The following KIF9 variants were observed in gnomAD, a reference collection of about 807,000 sequenced individuals.
The protein encoded by KIF9 is kinesin-like protein KIF9.
Under a neutral mutation model 94.8 loss-of-function variants are expected in KIF9, and 68 were observed. The ratio of observed to expected loss-of-function variants is 0.72; its 90% CI spans 0.59 to 0.88. The LOEUF (loss-of-function observed/expected upper bound fraction) is 0.88, where lower values mean the gene tolerates loss of function less well. Ranked by LOEUF, KIF9 falls within the 40% of genes least tolerant of loss-of-function variation. The pLI, the probability that KIF9 is intolerant of heterozygous loss-of-function variation, is 0.00. For missense variants in KIF9, 882 were observed against 982.5 expected (o/e 0.90, Z 1.37); for synonymous variants, 343 against 362.1 (o/e 0.95, Z 0.60).
chr3:47,275,615 C>G (rs751780617), intron 2 of KIF9, 125 bp from the exon 3 acceptor site: 23 of 691,728 alleles, frequency 3.3e-5, no homozygotes, highest in Non-Finnish European at 4.7e-5. Flanking sequence ...TGAATGGGGA[C>G]TCCCACGTAG....
chr3:47,231,316 CT>C (rs1698558129), intron 20 of KIF9, among the ~76,000 whole-genome samples: 1 of 151,444 alleles, frequency 6.6e-6, no homozygotes, highest in Admixed American at 6.6e-5. Flanking sequence ...TCTAAGTGTG[CT>C]ACCCCAAGTG....
chr3:47,240,724 T>C lies in KIF9; in HGVS notation c.1924+77A>G. On this transcript the variant is annotated intron_variant, in intron 17 of 20. Transcript: ENST00000684063. ...GCCCCCTCCCATCTCAGACCTCTAG[T>C]GCCAAGGGCTGTTCTGCTTCAACCA... 10 of 1,249,042 alleles carry C rather than the reference T, an allele frequency of 8.0e-6. No individual in the cohort carries two copies. The South Asian group carries it at 1.1e-4, about 14-fold the overall frequency. 77.4% of individuals were successfully genotyped at this position (1,249,042 alleles called of 1,614,324 possible).
At chr3:47,266,685 C>T (rs1016139677) in intron 7 of KIF9, among the ~76,000 whole-genome samples, 2 of 152,084 alleles carry the variant, frequency 1.3e-5, no homozygotes, top group African/African-American at 2.4e-5. Context: ...AAATGCTATA[C>T]CAGCAAGGAA....
rs1299828505 is a variant in KIF9 at position 47,238,597 on chromosome 3, T to TG, written c.1925-1979dup. ...ATTTTATTAATATTTTAATAATCAG[T>TG]GGAAAAACAACTACTTTGGGGGGAC... On this transcript the variant is annotated intron_variant, in intron 17 of 20. Coordinates refer to ENST00000684063, the MANE Select transcript of KIF9 (RefSeq NM_182902.4). The TG allele has an allele frequency of 2.0e-5, 3 of 152,098 alleles. No homozygotes were observed. The East Asian group carries it at 5.8e-4, about 29-fold the overall frequency. 9.4% of individuals were successfully genotyped at this position (152,098 alleles called of 1,614,324 possible). A position where few individuals can be genotyped will look rare whatever the true frequency, so the allele number is the denominator to read the frequency against.
At chr3:47,230,395 T>G (rs1045164636) in intron 20 of KIF9, among the ~76,000 whole-genome samples, 1 of 150,274 alleles carries the variant, frequency 6.7e-6, no homozygotes, top group Non-Finnish European at 1.5e-5. Context: ...CTGAGCAACA[T>G]AGGGAGACCC....
At chr3:47,280,799 G>A (rs1305193867) in intron 1 of KIF9, among the ~76,000 whole-genome samples, 1 of 152,132 alleles carries the variant, frequency 6.6e-6, no homozygotes, top group Non-Finnish European at 1.5e-5. Context: ...TGCTTCCCAA[G>A]GCCCTCCCAT....
chr3:47,277,186 T>C, intron 2 of KIF9, 96 bp downstream of exon 2: 1 of 840,106 alleles, frequency 1.2e-6, no homozygotes, highest in Non-Finnish European at 1.9e-6. Context: ...TCCAATTCTG[T>C]CTTGGTCCTT....
In KIF9 at chr3:47,273,570, G is replaced by T. The variant is rs765305653; in HGVS notation, c.348C>A (p.Leu116=). The T allele has an allele frequency of 6.2e-7, 1 of 1,609,780 alleles. No homozygotes were observed. The highest frequency in any genetic ancestry group is 1.7e-5 in the Admixed American group (1 of 59,684). Residue 116 remains leucine (L), a synonymous_variant, in exon 4 of 21, where the codon CTC becomes CTA. Coordinates refer to ENST00000684063, the MANE Select transcript of KIF9 (RefSeq NM_182902.4). ...ATENYKHRGI[L]PRALQQVFRM... is the part of the protein sequence containing the mutation. ...TCTCTACCTGCTGCAGGGCACGAGGGAGGATCCCCCGGTGCTTGTAATTCT... is the reference window on the plus strand; with the variant it reads ...TCTCTACCTGCTGCAGGGCACGAGGTAGGATCCCCCGGTGCTTGTAATTCT...
chr3:47,257,753 G>A (rs1700715422), intron 9 of KIF9, among the ~76,000 whole-genome samples, 193 bp from the exon 10 acceptor site: 1 of 152,142 alleles, frequency 6.6e-6, no homozygotes, highest in African/African-American at 2.4e-5. Flanking sequence ...AGAAGAGCAG[G>A]AAGGTGACAG....
chr3:47,238,943 G>A (rs1350855553), intron 17 of KIF9, among the ~76,000 whole-genome samples: 4 of 152,206 alleles, frequency 2.6e-5, no homozygotes, highest in African/African-American at 7.2e-5. Context: ...GATTATAGGC[G>A]TGAGCCACCG....
intron 17 of KIF9, 71 bp from the exon 18 acceptor site, chr3:47,236,690 G>A: frequency 7.1e-7 from 1 of 1,407,306 alleles, no homozygotes; most frequent in East Asian, 2.3e-5. Flanking sequence ...AGGGATTCCA[G>A]AAGGTGGGCA....
Position 47,271,221 on chromosome 3 carries a change from G to C in KIF9, c.591+16C>G. 6.3e-7 allele frequency: 1 copy of C among 1,576,468 alleles called. No homozygotes were observed. Among genetic ancestry groups the C allele is most frequent in the Non-Finnish European group, 8.7e-7 (1 of 1,147,834 alleles). On this transcript the variant is annotated intron_variant, in intron 5 of 20. Coordinates refer to ENST00000684063, the MANE Select transcript of KIF9 (RefSeq NM_182902.4). Reference sequence around the variant, plus strand: ...AGGGAGAGAAGGAAAGGAACCCTCAGGTTTTATTATCTCACCTCAAAAAGG... The same window carrying C: ...AGGGAGAGAAGGAAAGGAACCCTCACGTTTTATTATCTCACCTCAAAAAGG...
intron 5 of KIF9, among the ~76,000 whole-genome samples, chr3:47,267,740 TTAA>T (rs1701375072): frequency 6.6e-6 from 1 of 152,156 alleles, no homozygotes; most frequent in Admixed American, 6.5e-5. Flanking sequence ...TAATAAGATG[TTAA>T]TAATAGTTGC....
chr3:47,275,684 G>A (rs906879107), intron 2 of KIF9, among the ~76,000 whole-genome samples, 194 bp from the exon 3 acceptor site: 5 of 152,202 alleles, frequency 3.3e-5, no homozygotes, highest in African/African-American at 1.2e-4. Flanking sequence ...GCAGGGAGAT[G>A]GAAAGATCAG....
At chr3:47,250,216 T>C (rs1700183765) in intron 10 of KIF9, among the ~76,000 whole-genome samples, 1 of 152,184 alleles carries the variant, frequency 6.6e-6, no homozygotes, top group African/African-American at 2.4e-5. Context: ...CCCGGTATGG[T>C]AATGATGAGA....
At chr3:47,232,278 GT>G (rs896421983) in intron 20 of KIF9, among the ~76,000 whole-genome samples, 140 of 151,774 alleles carry the variant, frequency 9.2e-4, no homozygotes, top group Non-Finnish European at 2.6e-4. Context: ...CATTTCTGCT[GT>G]TTTTTTTGTT....
chr3:47,280,580 G>A (rs1559475944), intron 1 of KIF9, among the ~76,000 whole-genome samples: 1 of 152,200 alleles, frequency 6.6e-6, no homozygotes, highest in Admixed American at 6.5e-5. Flanking sequence ...GGTGGTGCAC[G>A]CGTGTGGTCC....
intron 20 of KIF9, among the ~76,000 whole-genome samples, chr3:47,231,161 G>A (rs913974018): frequency 2.6e-5 from 4 of 152,106 alleles, no homozygotes; most frequent in African/African-American, 9.7e-5. Flanking sequence ...CTGGGAATGA[G>A]AATAGAAAGA....
Position 47,248,036 on chromosome 3 carries a change from C to T in KIF9, c.1110G>A (p.Leu370=), listed in dbSNP as rs1473810221. 2 of 1,613,686 alleles carry T rather than the reference C, an allele frequency of 1.2e-6. No homozygotes were observed. The highest frequency in any genetic ancestry group is 1.3e-5 in the African/African-American group (1 of 74,878). Residue 370 remains leucine, a synonymous_variant, in exon 11 of 21, where the codon CTG becomes CTA. Coordinates refer to ENST00000684063, the MANE Select transcript of KIF9 (RefSeq NM_182902.4). ...EKELALLKQE[L]AIHDSLTNRT... ...CTCTTACCAGGCTGTCATGGATAGC[C>T]AGCTCCTGCTTGAGTAGTGCTAGTT...
Sources: gnomAD v4.1 joint callset for allele counts (sites outside exome capture counted in the v4.1 genomes callset) on GRCh38, gnomAD v4.1.1 for gene constraint, MANE v1.5 for transcripts, NCBI Gene and HGNC (gene_info 2026-07-23, HGNC 2026-07-21) for gene names.